Variants in USP45 observed in about 807,000 individuals in gnomAD.
The protein encoded by USP45 is ubiquitin specific peptidase 45, also known as ubiquitin carboxyl-terminal hydrolase 45.
Under a neutral mutation model 95.8 loss-of-function variants are expected in USP45, and 89 were observed. The observed-to-expected ratio is 0.93, with a 90% CI of 0.78 to 1.11. USP45 has a LOEUF of 1.11. Among genes scored for constraint, USP45 ranks in the 50% least tolerant of loss-of-function variants. USP45 has a pLI of 0.00. For synonymous variants in USP45, 281 were observed against 316.2 expected, an observed-to-expected ratio of 0.89 and a Z score of 1.18; for missense variants, 898 against 942.5, an observed-to-expected ratio of 0.95 and a Z score of 0.62.
intron 13 of USP45, among the ~76,000 whole-genome samples, chr6:99,456,180 G>C (rs531705259): frequency 2.9e-4 from 41 of 141,026 alleles, no homozygotes; most frequent in Non-Finnish European, 5.8e-4. Flanking sequence ...GTAGAGAGTA[G>C]AATGATAGAT....
intron 13 of USP45, among the ~76,000 whole-genome samples, chr6:99,447,720 G>A (rs932486431): frequency 5.0e-4 from 76 of 152,282 alleles, no homozygotes; most frequent in African/African-American, 1.7e-3. Flanking sequence ...CACAGAGTTT[G>A]AGATCTGAGA....
Position 99,435,621 on chromosome 6 carries a change from A to C in USP45, c.*95T>G. ...ACCATTTGAGGAACATGCTATTCCT[A>C]CAGAAGAGGGAAGACTAGAAAGGCA... On this transcript the variant is annotated 3_prime_UTR_variant, in exon 18 of 18. Coordinates refer to ENST00000500704, the MANE Select transcript of USP45 (RefSeq NM_001346022.3). 9.1e-7 allele frequency: 1 copy of C among 1,101,120 alleles called. No homozygotes were observed. The highest frequency in any genetic ancestry group is 1.2e-6 in the Non-Finnish European group (1 of 801,258). 68.2% of individuals were successfully genotyped at this position (1,101,120 alleles called of 1,614,324 possible).
At chr6:99,490,347 CTT>C (rs78890143) in intron 5 of USP45, among the ~76,000 whole-genome samples, 1 of 141,822 alleles carries the variant, frequency 7.1e-6, no homozygotes. Context: ...TATTTTTTTT[CTT>C]TTTTTTTTTT....
chr6:99,467,736 G>A lies in USP45; in HGVS notation c.1015+801C>T, dbSNP rs191412056. Among the ~76,000 whole-genome samples, 162 of 151,948 alleles carry A rather than the reference G, an allele frequency of 1.1e-3. 1 individual carries two copies. The highest frequency in any genetic ancestry group is 3.4e-3 in the Middle Eastern group (1 of 294). The stretch of plus-strand genomic sequence containing the variant: ...CACTATCTCAACACAAAAGAACAAG[G>A]CATATTTGAGCAGCTACGTTTTTTA... On this transcript the variant is annotated intron_variant, in intron 10 of 17. Coordinates refer to ENST00000500704, the MANE Select transcript of USP45 (RefSeq NM_001346022.3).
rs1782427213 is a variant in USP45, at chr6:99,445,806, T to C, written c.1966A>G (p.Ser656Gly). 1 of 1,561,370 alleles carries C rather than the reference T, an allele frequency of 6.4e-7. No homozygotes were observed. The highest frequency in any genetic ancestry group is 8.6e-7 in the Non-Finnish European group (1 of 1,159,276). Residue 656 changes from serine (S) to glycine (G), a missense_variant, in exon 14 of 18, where the codon AGT becomes GGT. Physicochemically the swap from Ser to Gly is moderately conservative, Grantham distance 56 (BLOSUM62 0). Transcript: ENST00000500704. ...KNKQKYQEETSFAEKKVEGVY... is the reference protein window; with the variant it reads ...KNKQKYQEETGFAEKKVEGVY... The stretch of plus-strand genomic sequence containing the variant: ...TTAAAAAAATAATTACCTGCAAAAC[T>C]GGTTTCTTCTTGGTACTTCTGTTTG...
In USP45 at chr6:99,482,748, C is replaced by A. The variant is rs1335518173; in HGVS notation, c.845+5G>T. The A allele has an allele frequency of 3.8e-6, 6 of 1,590,866 alleles. No individual in the cohort carries two copies. Among genetic ancestry groups the A allele is most frequent in the Non-Finnish European group, 5.1e-6 (6 of 1,170,358 alleles). On this transcript the variant is annotated splice_donor_5th_base_variant and intron_variant, in intron 8 of 17. Transcript: ENST00000500704. ...ATTATTTATATTAAATGTAGATGCACCCACTTCTGACAAAGCTGATTAAAA... is the reference window on the plus strand; with the variant it reads ...ATTATTTATATTAAATGTAGATGCAACCACTTCTGACAAAGCTGATTAAAA...
At chr6:99,451,887 C>T (rs1783939816) in intron 13 of USP45, among the ~76,000 whole-genome samples, 1 of 152,158 alleles carries the variant, frequency 6.6e-6, no homozygotes, top group African/African-American at 2.4e-5. Context: ...ACATCTACAA[C>T]CATCTGATCT....
chr6:99,471,073 G>C (rs1789279861), intron 9 of USP45, among the ~76,000 whole-genome samples: 1 of 152,130 alleles, frequency 6.6e-6, no homozygotes, highest in Admixed American at 6.5e-5. Flanking sequence ...ACTCTAAAAA[G>C]AGTAAAATGA....
intron 7 of USP45, among the ~76,000 whole-genome samples, chr6:99,484,340 A>T (rs1006429388): frequency 1.0e-4 from 15 of 149,462 alleles, no homozygotes; most frequent in African/African-American, 3.5e-4. Flanking sequence ...GTTGATTTTT[A>T]AAATTTTTGT....
intron 5 of USP45, among the ~76,000 whole-genome samples, chr6:99,493,258 T>G (rs1795581544): frequency 6.6e-6 from 1 of 152,126 alleles, no homozygotes; most frequent in East Asian, 1.9e-4. Flanking sequence ...ACTCCTGACT[T>G]CAGGTGATCC....
chr6:99,508,048 G>T (rs527985240), intron 3 of USP45, among the ~76,000 whole-genome samples: 2 of 152,290 alleles, frequency 1.3e-5, no homozygotes, highest in African/African-American at 4.8e-5. Flanking sequence ...TGAGGTTGAG[G>T]ATGGCACAGC....
rs925614346 is a variant in USP45 at position 99,432,544 on chromosome 6, A to G, written c.*3172T>C. The G allele has an allele frequency of 6.6e-6, 1 of 152,176 alleles. No homozygotes were observed. The highest frequency in any genetic ancestry group is 1.5e-5 in the Non-Finnish European group (1 of 68,040). The allele number at this position is 152,176 out of a possible 1,614,324, so 9.4% of individuals were successfully genotyped here. ...GTTTTCTAGAAACATGGCAAAAGAA[A>G]AAAAACAGTAGGAATAATATGTATT... On this transcript the variant is annotated 3_prime_UTR_variant, in exon 18 of 18. Coordinates refer to ENST00000500704, the MANE Select transcript of USP45 (RefSeq NM_001346022.3).
rs372378919 is a variant in USP45 at position 99,491,155 on chromosome 6, C to A, written c.479-2335G>T. 3.0e-3 allele frequency among the ~76,000 whole-genome samples: 463 copies of A among 152,252 alleles called. 27 individuals are homozygous for A. The South Asian group carries it at 0.094, about 31-fold the overall frequency. On this transcript the variant is annotated intron_variant, in intron 5 of 17. Coordinates refer to ENST00000500704, the MANE Select transcript of USP45 (RefSeq NM_001346022.3). ...TCCAAATATTATAATAAATAATAAA[C>A]CCCACACTAGAGCTTGGGGGCAAAG... is the stretch of plus-strand genomic sequence containing the variant.
At chr6:99,450,499 C>A (rs1311776357) in intron 13 of USP45, among the ~76,000 whole-genome samples, 1 of 152,128 alleles carries the variant, frequency 6.6e-6, no homozygotes, top group African/African-American at 2.4e-5. Context: ...ACTTGAATCC[C>A]TGAATAGATC....
chr6:99,486,634 TA>T lies in USP45; in HGVS notation c.714+1565del, dbSNP rs1344948752. On this transcript the variant is annotated intron_variant, in intron 7 of 17. Transcript: ENST00000500704. ...TATAAAAAGGAGGTTATTATATATA[TA>T]TAACAGTATGTTATATATATAATAA... 2.0e-5 allele frequency among the ~76,000 whole-genome samples: 3 copies of T among 150,812 alleles called. No individual in the cohort carries two copies. The Admixed American group carries it at 2.0e-4, about 10-fold the overall frequency.
chr6:99,460,880 A>G, intron 13 of USP45: 2 of 975,244 alleles, frequency 2.1e-6, no homozygotes, highest in Non-Finnish European at 2.4e-6. Context: ...TATTCAATTA[A>G]AACCAAAAGT....
chr6:99,509,263 T>A (rs1224785817), intron 2 of USP45, among the ~76,000 whole-genome samples: 1 of 152,188 alleles, frequency 6.6e-6, no homozygotes, highest in Non-Finnish European at 1.5e-5. Context: ...TAAAGAAATA[T>A]ACAAGGAGGT....
intron 8 of USP45, among the ~76,000 whole-genome samples, chr6:99,482,069 C>T (rs983379228): frequency 6.6e-5 from 10 of 152,054 alleles, no homozygotes; most frequent in Admixed American, 1.3e-4. Flanking sequence ...TATACAAAAA[C>T]ACAAGCTCAT....
At chr6:99,456,665 T>C (rs1249884694) in intron 13 of USP45, among the ~76,000 whole-genome samples, 2 of 152,216 alleles carry the variant, frequency 1.3e-5, no homozygotes, top group Non-Finnish European at 2.9e-5. Flanking sequence ...TTTAATCTCT[T>C]AATCCTGTCA....
Sources: allele counts gnomAD v4.1 joint callset (sites outside exome capture counted in the v4.1 genomes callset), GRCh38; gene constraint gnomAD v4.1.1; transcripts MANE v1.5; gene names NCBI Gene and HGNC (gene_info 2026-07-23, HGNC 2026-07-21).